Variants in CSF2RA observed in about 807,000 individuals in gnomAD.
The protein encoded by CSF2RA is granulocyte-macrophage colony-stimulating factor receptor subunit alpha.
A neutral mutation model predicts 51.6 loss-of-function variants in CSF2RA; 42 were observed. That is an observed-to-expected ratio of 0.81 (90% CI 0.64 to 1.05). The LOEUF (loss-of-function observed/expected upper bound fraction) is 1.05. Ranked by LOEUF, CSF2RA falls within the 50% of genes least tolerant of loss-of-function variation. The pLI is 0.00. For missense variants in CSF2RA, 530 were observed against 501.1 expected, an observed-to-expected ratio of 1.06 and a Z score of -0.55; for synonymous variants, 222 against 193.0, an observed-to-expected ratio of 1.15 and a Z score of -1.24.
chrX:1,317,686 A>G, the CSF2RA span, among the ~76,000 whole-genome samples: 1 of 151,502 alleles, frequency 6.6e-6, no homozygotes, highest in East Asian at 1.9e-4. Flanking sequence ...GCACGCACAG[A>G]AGCCTTCAGA....
intron 1 of CSF2RA, among the ~76,000 whole-genome samples, chrX:1,269,396 G>C (rs1430922916): frequency 2.6e-5 from 4 of 151,990 alleles, no homozygotes; most frequent in Admixed American, 2.0e-4. Context: ...TGAGGCGGGT[G>C]GATCACCTGA....
the CSF2RA span, among the ~76,000 whole-genome samples, chrX:1,324,695 G>T: frequency 6.6e-6 from 1 of 152,284 alleles, no homozygotes; most frequent in East Asian, 1.9e-4. Context: ...CAGCAGGGCC[G>T]CTTGGGCATG....
chrX:1,314,566 C>G (rs777509409), downstream of CSF2RA, among the ~76,000 whole-genome samples: 1,341 of 27,594 alleles, frequency 0.049, 144 homozygotes, highest in Non-Finnish European at 0.057. Flanking sequence ...CTGCCCAATC[C>G]CACTGCACCT....
chrX:1,303,392 T>TA, intron 10 of CSF2RA: 1 of 435,416 alleles, frequency 2.3e-6, no homozygotes, highest in Non-Finnish European at 4.0e-6. Context: ...CCCACCACCA[T>TA]GCCTGGCTAA....
downstream of CSF2RA, among the ~76,000 whole-genome samples, chrX:1,313,458 C>T (rs1253772175): frequency 6.7e-6 from 1 of 148,486 alleles, no homozygotes; most frequent in African/African-American, 2.5e-5. Flanking sequence ...TGCCTGGAAT[C>T]CCAGCACTTT....
chrX:1,306,253 A>G (rs1279534570), intron 12 of CSF2RA, among the ~76,000 whole-genome samples: 7 of 152,048 alleles, frequency 4.6e-5, no homozygotes, highest in African/African-American at 1.7e-4. Flanking sequence ...GCAGACACAC[A>G]GACAGAGAAA....
chrX:1,315,146 G>A (rs1261034831), downstream of CSF2RA, among the ~76,000 whole-genome samples: 2 of 152,122 alleles, frequency 1.3e-5, no homozygotes, highest in Admixed American at 1.3e-4. Flanking sequence ...TCGGTCACCT[G>A]CGTGAGATCA....
intron 10 of CSF2RA, chrX:1,303,383 C>G (rs1409952303): frequency 1.1e-4 from 46 of 435,174 alleles, no homozygotes; most frequent in Non-Finnish European, 1.6e-4. Context: ...TTACAGGCAC[C>G]CACCACCATG....
At position 1,300,519 on chromosome X, in the gene CSF2RA, G is replaced by C; in HGVS notation, c.839G>C (p.Arg280Thr). 1 of 1,613,958 alleles carries C rather than the reference G, an allele frequency of 6.2e-7. No homozygotes were observed. The highest frequency in any genetic ancestry group is 8.5e-7 in the Non-Finnish European group (1 of 1,179,854). The change falls in exon 10 of 13, where the codon AGA becomes ACA. Residue 280 changes from arginine (R) to threonine (T), a missense_variant. By Grantham distance (71) the Arg-to-Thr change is moderately conservative (BLOSUM62 -1). Coordinates refer to ENST00000381529, the MANE Select transcript of CSF2RA (RefSeq NM_172245.4). ...AATGTTTCTGGTGATTTGGAAAATA[G>C]ATACAACTTTCCAAGCTCTGAGCCC... ...LINVSGDLEN[R>T]YNFPSSEPRA... is the part of the protein sequence containing the mutation.
chrX:1,317,200 G>A, the CSF2RA span, among the ~76,000 whole-genome samples: 24 of 143,930 alleles, frequency 1.7e-4, no homozygotes, highest in Non-Finnish European at 1.5e-4. Flanking sequence ...TGCCTGCCTC[G>A]GCCTCCCAAA....
At chrX:1,300,788 G>A (rs1255238060) in intron 10 of CSF2RA, among the ~76,000 whole-genome samples, 162 bp downstream of exon 10, 1 of 152,148 alleles carries the variant, frequency 6.6e-6, no homozygotes, top group Non-Finnish European at 1.5e-5. Context: ...AAAGAAGGAG[G>A]TGGTCTCGTA....
At chrX:1,320,568 G>T in the CSF2RA span, among the ~76,000 whole-genome samples, 1 of 150,542 alleles carries the variant, frequency 6.6e-6, no homozygotes, top group African/African-American at 2.4e-5. Flanking sequence ...CGTGGTCTTG[G>T]CTCACTGCAA....
At chrX:1,293,368 G>A (rs1251814598) in intron 7 of CSF2RA, among the ~76,000 whole-genome samples, 45 of 152,120 alleles carry the variant, frequency 3.0e-4, no homozygotes, top group Admixed American at 1.2e-3. Context: ...ACAGGCACCC[G>A]CCACCACGCC....
chrX:1,298,897 G>T (rs1245836409), intron 9 of CSF2RA, among the ~76,000 whole-genome samples: 1 of 152,058 alleles, frequency 6.6e-6, no homozygotes, highest in African/African-American at 2.4e-5. Flanking sequence ...TGGATCCAGT[G>T]TAGACAGGAG....
chrX:1,285,764 C>A lies in CSF2RA; in HGVS notation c.77-14C>A, dbSNP rs776015202. On this transcript the variant is annotated splice_polypyrimidine_tract_variant and intron_variant, in intron 3 of 12. Coordinates refer to ENST00000381529, the MANE Select transcript of CSF2RA (RefSeq NM_172245.4). Reference sequence around the variant, plus strand: ...AAAAGAGGAAATTCTGAACCCAGTGCCCGCTCCTTGCAGATCTGCGAACAG... The same window carrying A: ...AAAAGAGGAAATTCTGAACCCAGTGACCGCTCCTTGCAGATCTGCGAACAG... 1 of 1,609,588 alleles carries A rather than the reference C, an allele frequency of 6.2e-7. No individual in the cohort carries two copies.
At chrX:1,308,646 C>G (rs1363294557) in intron 12 of CSF2RA, among the ~76,000 whole-genome samples, 4 of 152,104 alleles carry the variant, frequency 2.6e-5, no homozygotes, top group Non-Finnish European at 4.4e-5. Flanking sequence ...GCCACTTGCA[C>G]ACCCCCATCC....
chrX:1,314,516 A>C (rs1247931569), downstream of CSF2RA, among the ~76,000 whole-genome samples: 4 of 107,012 alleles, frequency 3.7e-5, no homozygotes, highest in African/African-American at 1.2e-4. Flanking sequence ...ACCGCACTGC[A>C]CCTGCCCAAT....
chrX:1,316,279 TAGATAGATAGATAGATAGATAGATAGAC>T, the CSF2RA span, among the ~76,000 whole-genome samples: 1 of 145,832 alleles, frequency 6.9e-6, no homozygotes, highest in African/African-American at 2.7e-5. Flanking sequence ...GATAGATAGA[TAGATAGATAGATAGATAGATAGATAGAC>T]AGACAGACAG....
At chrX:1,283,359 C>A (rs1251729792) in intron 3 of CSF2RA, among the ~76,000 whole-genome samples, 12 of 146,258 alleles carry the variant, frequency 8.2e-5, no homozygotes, top group African/African-American at 3.0e-4. Context: ...TTCCTTCTTT[C>A]CTTCCTTCTT....
Sources: allele counts gnomAD v4.1 joint callset (sites outside exome capture counted in the v4.1 genomes callset), GRCh38; gene constraint gnomAD v4.1.1; transcripts MANE v1.5; gene names NCBI Gene and HGNC (gene_info 2026-07-23, HGNC 2026-07-21).